Variants in CCSER1 observed in about 807,000 individuals in gnomAD.
CCSER1 encodes serine-rich coiled-coil domain-containing protein 1.
In CCSER1, 41 loss-of-function variants were observed where a neutral mutation model predicts 82.0. That is an observed-to-expected ratio of 0.50 (90% CI 0.39 to 0.65). The LOEUF (loss-of-function observed/expected upper bound fraction) is 0.65. CCSER1 is among the 30% of genes least tolerant of loss of function. CCSER1 has a pLI of 0.00. For synonymous variants in CCSER1, 414 were observed against 383.9 expected (o/e 1.08, Z -0.92); for missense variants, 1,119 against 1,064.2 (o/e 1.05, Z -0.72).
At chr4:90,959,792 ATC>A (rs1733888162) in intron 9 of CCSER1, among the ~76,000 whole-genome samples, 1 of 135,696 alleles carries the variant, frequency 7.4e-6, no homozygotes, top group South Asian at 2.3e-4. Flanking sequence ...TTCTTTGCCT[ATC>A]TCAGTCAACC....
At chr4:91,140,517 TA>T (rs1728922847) in intron 10 of CCSER1, among the ~76,000 whole-genome samples, 1 of 152,072 alleles carries the variant, frequency 6.6e-6, no homozygotes, top group Non-Finnish European at 1.5e-5. Context: ...TCTGAGTCTA[TA>T]AAAAGTATAA....
chr4:91,599,252 T>A lies in CCSER1; in HGVS notation c.*195T>A. 1.6e-6 allele frequency: 1 copy of A among 607,600 alleles called. No individual in the cohort carries two copies. The highest frequency in any genetic ancestry group is 2.7e-6 in the Non-Finnish European group (1 of 368,134). The allele number at this position is 607,600 out of a possible 1,614,324, so 37.6% of individuals were successfully genotyped here. On this transcript the variant is annotated 3_prime_UTR_variant, in exon 11 of 11. Coordinates refer to ENST00000509176, the MANE Select transcript of CCSER1 (RefSeq NM_001145065.2). Reference sequence around the variant, plus strand: ...TCCAAGAGTGAAAGTTTGAGCATGTTAATTGAACTAGGTTGCATTGCCTTG... The same window carrying A: ...TCCAAGAGTGAAAGTTTGAGCATGTAAATTGAACTAGGTTGCATTGCCTTG...
At chr4:90,845,112 C>T (rs181626787) in intron 8 of CCSER1, among the ~76,000 whole-genome samples, 1 of 152,168 alleles carries the variant, frequency 6.6e-6, no homozygotes, top group Non-Finnish European at 1.5e-5. Context: ...CCTGTAACCC[C>T]AACACTCTGG....
intron 5 of CCSER1, among the ~76,000 whole-genome samples, chr4:90,534,583 C>T (rs1775070170): frequency 6.6e-6 from 1 of 151,600 alleles, no homozygotes; most frequent in Non-Finnish European, 1.5e-5. Flanking sequence ...AAGGCTAAAG[C>T]AAATATTAAA....
chr4:91,290,929 T>C (rs1409450390), intron 10 of CCSER1, among the ~76,000 whole-genome samples: 1 of 151,914 alleles, frequency 6.6e-6, no homozygotes, highest in Non-Finnish European at 1.5e-5. Flanking sequence ...ATTTTATATT[T>C]TCCTTTTAAA....
chr4:90,454,424 G>A (rs868702572), intron 4 of CCSER1, among the ~76,000 whole-genome samples: 192 of 152,124 alleles, frequency 1.3e-3, no homozygotes, highest in African/African-American at 4.5e-3. Context: ...GAGATAGAGA[G>A]GTATGCTTTA....
At chr4:90,442,336 G>T (rs753842263) in intron 4 of CCSER1, among the ~76,000 whole-genome samples, 2 of 152,110 alleles carry the variant, frequency 1.3e-5, no homozygotes, top group Non-Finnish European at 2.9e-5. Flanking sequence ...CTAATCCATG[G>T]CAATCAATGA....
At chr4:90,757,879 G>T (rs1749784587) in intron 7 of CCSER1, among the ~76,000 whole-genome samples, 1 of 151,648 alleles carries the variant, frequency 6.6e-6, no homozygotes, top group Non-Finnish European at 1.5e-5. Flanking sequence ...AGTAGGCAAA[G>T]CTCAAAGTGG....
chr4:90,470,598 C>G (rs1282388388), intron 5 of CCSER1, among the ~76,000 whole-genome samples: 2 of 152,018 alleles, frequency 1.3e-5, no homozygotes, highest in East Asian at 3.9e-4. Flanking sequence ...GGGTCATTCT[C>G]TCTATCTACA....
intron 5 of CCSER1, among the ~76,000 whole-genome samples, chr4:90,610,297 AAAT>A (rs1290938039): frequency 0.012 from 1,772 of 142,938 alleles, 28 homozygotes; most frequent in South Asian, 0.056. Flanking sequence ...ATAAATAAAT[AAAT>A]AAAATGTGAT....
intron 10 of CCSER1, among the ~76,000 whole-genome samples, chr4:91,276,212 A>G (rs911502825): frequency 2.7e-4 from 41 of 149,382 alleles, no homozygotes; most frequent in African/African-American, 9.8e-4. Flanking sequence ...TTGGTATTTT[A>G]TTAAGGATTG....
intron 10 of CCSER1, among the ~76,000 whole-genome samples, chr4:91,165,606 G>T (rs938918832): frequency 1.3e-5 from 2 of 152,198 alleles, no homozygotes; most frequent in Non-Finnish European, 2.9e-5. Context: ...TTCCCAGGCT[G>T]CTTTGTTTAC....
chr4:91,508,649 C>G (rs1241627159), intron 10 of CCSER1, among the ~76,000 whole-genome samples: 2 of 148,162 alleles, frequency 1.3e-5, no homozygotes, highest in East Asian at 4.0e-4. Context: ...TATTCCTATT[C>G]TATTTTTTGA....
At chr4:90,621,855 G>T (rs1722380039) in intron 5 of CCSER1, among the ~76,000 whole-genome samples, 1 of 152,132 alleles carries the variant, frequency 6.6e-6, no homozygotes, top group African/African-American at 2.4e-5. Context: ...TTTGTCTGTG[G>T]CAGATCTTCT....
intron 10 of CCSER1, among the ~76,000 whole-genome samples, chr4:91,479,711 CTTTCTTT>C (rs896047070): frequency 5.8e-4 from 22 of 37,974 alleles, no homozygotes; most frequent in African/African-American, 1.2e-3. Context: ...TCTTTTTTTT[CTTTCTTT>C]TTTATTTATT....
chr4:91,024,980 A>G (rs959739276), intron 9 of CCSER1, among the ~76,000 whole-genome samples: 2 of 152,100 alleles, frequency 1.3e-5, no homozygotes, highest in Non-Finnish European at 2.9e-5. Flanking sequence ...AAAGAGCACT[A>G]TTGTATTTTT....
At position 90,347,349 on chromosome 4, in the gene CCSER1, C is replaced by CTATCTATCTATCT. The variant is rs927582206; in HGVS notation, c.1509+34305_1509+34306insCTATCTATCTTAT. Reference sequence around the variant, plus strand: ...TCTATCTATCTATCTATCTATCTATCTATATACTTTATTGGTAGAATAGAA... The same window carrying CTATCTATCTATCT: ...TCTATCTATCTATCTATCTATCTATCTATCTATCTATCTTATATACTTTATTGGTAGAATAGAA... On this transcript the variant is annotated intron_variant, in intron 3 of 10. Transcript: ENST00000509176. 4.6e-5 allele frequency among the ~76,000 whole-genome samples: 7 copies of CTATCTATCTATCT among 151,370 alleles called. No homozygotes were observed. The East Asian group carries it at 1.4e-3, about 29-fold the overall frequency.
intron 6 of CCSER1, among the ~76,000 whole-genome samples, chr4:90,666,257 T>C (rs1389585481): frequency 6.6e-6 from 1 of 152,232 alleles, no homozygotes; most frequent in Non-Finnish European, 1.5e-5. Context: ...AACTGATTAG[T>C]AATTTGAATT....
rs558590141 is a variant in CCSER1 at position 90,591,844 on chromosome 4, C to T, written c.1725-36181C>T. On this transcript the variant is annotated intron_variant, in intron 5 of 10. Coordinates refer to ENST00000509176, the MANE Select transcript of CCSER1 (RefSeq NM_001145065.2). ...TGTGGCACATATACACCACGGAATG[C>T]CACGCTGCCATAAAAAAGAATGAGT... is the stretch of plus-strand genomic sequence containing the variant. 2.6e-5 allele frequency among the ~76,000 whole-genome samples: 4 copies of T among 152,114 alleles called. No individual in the cohort carries two copies. The South Asian group carries it at 8.3e-4, about 32-fold the overall frequency.
Sources: allele counts gnomAD v4.1 joint callset (sites outside exome capture counted in the v4.1 genomes callset), GRCh38; gene constraint gnomAD v4.1.1; transcripts MANE v1.5; gene names NCBI Gene and HGNC (gene_info 2026-07-23, HGNC 2026-07-21).